MYRIP: variants seen among roughly 807,000 people sequenced by gnomAD.
MYRIP encodes the protein myosin VIIA and Rab interacting protein.
MYRIP carries 49 observed loss-of-function variants against 98.0 expected under a neutral mutation model. The ratio of observed to expected loss-of-function variants is 0.50; its 90% CI spans 0.40 to 0.63. The LOEUF is 0.63. MYRIP is among the 30% of genes least tolerant of loss of function. The probability of loss-of-function intolerance (pLI) is 0.00; values close to 1 mark genes in which losing one functional copy is unlikely to be tolerated. For missense variants in MYRIP, 1,004 were observed against 1,058.2 expected (o/e 0.95, Z 0.71); for synonymous variants, 404 against 409.5 (o/e 0.99, Z 0.16).
At chr3:40,103,369 C>T (rs763407162) in intron 3 of MYRIP, among the ~76,000 whole-genome samples, 17 of 152,330 alleles carry the variant, frequency 1.1e-4, no homozygotes, top group Non-Finnish European at 1.8e-4. Context: ...AATGGCAGAA[C>T]GCCTGTGAAC....
At chr3:40,192,854 G>A (rs1400298651) in intron 10 of MYRIP, among the ~76,000 whole-genome samples, 1 of 152,100 alleles carries the variant, frequency 6.6e-6, no homozygotes, top group Non-Finnish European at 1.5e-5. Context: ...ATATAGAGGT[G>A]GAGACAAAAT....
chr3:40,252,082 C>A, intron 16 of MYRIP, 83 bp downstream of exon 16: 4 of 1,037,776 alleles, frequency 3.9e-6, no homozygotes, highest in Non-Finnish European at 5.8e-6. Context: ...CTGTAGCTCC[C>A]GCATCAGAAC....
intron 2 of MYRIP, among the ~76,000 whole-genome samples, chr3:39,938,001 A>G (rs1446728047): frequency 2.6e-5 from 4 of 152,186 alleles, no homozygotes; most frequent in African/African-American, 9.6e-5. Flanking sequence ...GCAGCTTTCA[A>G]CCAGCTTTGG....
At chr3:40,110,900 G>A (rs1949144640) in intron 3 of MYRIP, among the ~76,000 whole-genome samples, 2 of 150,506 alleles carry the variant, frequency 1.3e-5, no homozygotes, top group African/African-American at 2.5e-5. Flanking sequence ...GTGTGTGTGT[G>A]TGTGTGTGTG....
At chr3:40,032,836 C>T (rs1947291478) in intron 2 of MYRIP, among the ~76,000 whole-genome samples, 1 of 152,116 alleles carries the variant, frequency 6.6e-6, no homozygotes, top group African/African-American at 2.4e-5. Context: ...TACTGGCAAA[C>T]TGAATCCAGC....
chr3:40,250,638 G>C, intron 15 of MYRIP, 139 bp downstream of exon 15: 2 of 1,021,594 alleles, frequency 2.0e-6, no homozygotes, highest in Non-Finnish European at 2.9e-6. Context: ...TCTTGATTTG[G>C]GTCCCCCCAG....
chr3:39,915,646 C>A (rs548520184), intron 2 of MYRIP, among the ~76,000 whole-genome samples: 3 of 151,866 alleles, frequency 2.0e-5, no homozygotes, highest in African/African-American at 7.2e-5. Context: ...TACTAGTAAC[C>A]CTTGCACTGC....
intron 2 of MYRIP, among the ~76,000 whole-genome samples, chr3:39,958,536 G>A (rs1228113994): frequency 1.3e-5 from 2 of 152,110 alleles, no homozygotes; most frequent in African/African-American, 2.4e-5. Context: ...ACTCAAGATG[G>A]ATTAAAGACT....
intron 1 of MYRIP, among the ~76,000 whole-genome samples, chr3:39,849,369 C>T (rs779922250): frequency 6.6e-6 from 1 of 152,164 alleles, no homozygotes; most frequent in African/African-American, 2.4e-5. Flanking sequence ...GAGTCTAATA[C>T]TGAAGCCATC....
intron 2 of MYRIP, among the ~76,000 whole-genome samples, chr3:39,972,093 G>A (rs147553544): frequency 7.2e-5 from 11 of 152,078 alleles, no homozygotes; most frequent in African/African-American, 2.4e-4. Context: ...ATGACTATTA[G>A]CTACAAAATG....
chr3:39,998,861 A>G (rs1946440568), intron 2 of MYRIP, among the ~76,000 whole-genome samples: 1 of 152,202 alleles, frequency 6.6e-6, no homozygotes, highest in African/African-American at 2.4e-5. Context: ...CGGAGTCCTC[A>G]GAAATAACGC....
At chr3:40,165,716 T>G (rs1215847648) in intron 5 of MYRIP, among the ~76,000 whole-genome samples, 2 of 150,546 alleles carry the variant, frequency 1.3e-5, no homozygotes, top group Non-Finnish European at 2.9e-5. Flanking sequence ...CTTTGTCACC[T>G]GGGGAAGTCC....
chr3:40,233,800 G>C (rs534054593), intron 11 of MYRIP, 59 bp from the exon 12 acceptor site: 2 of 1,466,324 alleles, frequency 1.4e-6, no homozygotes, highest in Non-Finnish European at 1.9e-6. Flanking sequence ...TAGAATTTCT[G>C]TGTCATTGTT....
intron 2 of MYRIP, among the ~76,000 whole-genome samples, chr3:39,976,868 G>A (rs759224193): frequency 1.3e-5 from 2 of 152,084 alleles, no homozygotes; most frequent in African/African-American, 4.8e-5. Flanking sequence ...GACACAGGAA[G>A]GGGAACATCA....
chr3:40,197,029 G>A (rs1220764328), intron 10 of MYRIP, among the ~76,000 whole-genome samples: 1 of 152,098 alleles, frequency 6.6e-6, no homozygotes, highest in South Asian at 2.1e-4. Context: ...TTTGCACGCT[G>A]AGCCTCTATG....
upstream of MYRIP, among the ~76,000 whole-genome samples, chr3:39,809,439 A>T (rs1020063875): frequency 6.8e-6 from 1 of 146,238 alleles, no homozygotes; most frequent in African/African-American, 2.5e-5. Flanking sequence ...GGTGCTCTGG[A>T]GGAACCGGCC....
chr3:39,867,487 A>G (rs942811831), intron 1 of MYRIP, among the ~76,000 whole-genome samples: 1 of 152,010 alleles, frequency 6.6e-6, no homozygotes. Context: ...AAGCTCACAA[A>G]TCCCATTTAA....
intron 2 of MYRIP, among the ~76,000 whole-genome samples, chr3:39,973,191 A>G (rs1022360014): frequency 1.3e-5 from 2 of 152,152 alleles, no homozygotes; most frequent in Non-Finnish European, 2.9e-5. Flanking sequence ...GTTTCAAAAT[A>G]AAGGGATGGA....
At chr3:40,234,992 C>CAAAA (rs34515561) in intron 12 of MYRIP, among the ~76,000 whole-genome samples, 1 of 111,588 alleles carries the variant, frequency 9.0e-6, no homozygotes, top group Non-Finnish European at 1.8e-5. Flanking sequence ...GACCCTGTCT[C>CAAAA]AAAAAAAAAA....
Sources: allele counts gnomAD v4.1 joint callset (sites outside exome capture counted in the v4.1 genomes callset), GRCh38; gene constraint gnomAD v4.1.1; transcripts MANE v1.5; gene names NCBI Gene and HGNC (gene_info 2026-07-23, HGNC 2026-07-21).